The following TASP1 variants were observed in gnomAD, a reference collection of about 807,000 sequenced individuals.
TASP1 encodes taspase 1, also known as threonine aspartase 1.
Under a neutral mutation model 56.6 loss-of-function variants are expected in TASP1, and 16 were observed. The observed-to-expected ratio is 0.28, with a 90% CI of 0.19 to 0.43. The LOEUF (loss-of-function observed/expected upper bound fraction) is 0.43. TASP1 is among the 20% of genes least tolerant of loss of function. The pLI, the probability that TASP1 is intolerant of heterozygous loss-of-function variation, is 1.00. For synonymous variants in TASP1, 179 were observed against 184.2 expected (o/e 0.97, Z 0.23); for missense variants, 393 against 511.6 (o/e 0.77, Z 2.24).
intron 11 of TASP1, 95 bp downstream of exon 11, chr20:13,483,132 G>T: frequency 2.3e-6 from 2 of 866,522 alleles, no homozygotes; most frequent in Non-Finnish European, 3.5e-6. Flanking sequence ...CTAGAGGTAG[G>T]TCTAGAAATA....
Position 13,450,584 on chromosome 20 carries a change from A to C in TASP1, c.986-15430T>G, listed in dbSNP as rs575800203. 5.9e-5 allele frequency among the ~76,000 whole-genome samples: 9 copies of C among 152,192 alleles called. No homozygotes were observed. The South Asian group carries it at 1.9e-3, about 32-fold the overall frequency. ...ATCACTTTCTTTGCTCATCCACAGAAGCAACTCCTCATCCGTTAAAGTTTT... is the reference window on the plus strand; with the variant it reads ...ATCACTTTCTTTGCTCATCCACAGACGCAACTCCTCATCCGTTAAAGTTTT... On this transcript the variant is annotated intron_variant, in intron 11 of 13. Coordinates refer to ENST00000337743, the MANE Select transcript of TASP1 (RefSeq NM_017714.3).
the TASP1 span, among the ~76,000 whole-genome samples, chr20:13,320,201 CTT>C: frequency 2.6e-5 from 4 of 152,162 alleles, no homozygotes; most frequent in Non-Finnish European, 5.9e-5. Context: ...AGGATGTTGT[CTT>C]TTTCCCTGGA....
the TASP1 span, among the ~76,000 whole-genome samples, chr20:13,372,013 A>C: frequency 1.3e-5 from 2 of 152,158 alleles, no homozygotes; most frequent in Non-Finnish European, 1.5e-5. Flanking sequence ...CCACCTTTTT[A>C]CATTCAACTA....
intron 10 of TASP1, among the ~76,000 whole-genome samples, chr20:13,519,650 C>G (rs981279745): frequency 6.6e-6 from 1 of 152,104 alleles, no homozygotes; most frequent in Non-Finnish European, 1.5e-5. Flanking sequence ...CTATGACAAA[C>G]CCACAGCCAA....
At chr20:13,375,810 T>G in the TASP1 span, among the ~76,000 whole-genome samples, 118 of 152,376 alleles carry the variant, frequency 7.7e-4, 2 homozygotes, top group East Asian at 0.022. Flanking sequence ...ATTGTGGTTT[T>G]GATTTGCATT....
At chr20:13,629,625 A>T (rs991758771) in intron 2 of TASP1, among the ~76,000 whole-genome samples, 1 of 151,992 alleles carries the variant, frequency 6.6e-6, no homozygotes. Context: ...AAAAACATAA[A>T]CCAGAGTTCA....
At chr20:13,396,212 G>A (rs531258588) in intron 13 of TASP1, among the ~76,000 whole-genome samples, 3 of 152,112 alleles carry the variant, frequency 2.0e-5, no homozygotes, top group Non-Finnish European at 2.9e-5. Flanking sequence ...CCTACCCATC[G>A]CTTTTTAAGA....
intron 10 of TASP1, among the ~76,000 whole-genome samples, chr20:13,520,670 A>C (rs927968458): frequency 2.2e-4 from 33 of 152,264 alleles, no homozygotes; most frequent in Admixed American, 1.8e-3. Flanking sequence ...CATAAAAACC[A>C]TATAAGAAAA....
chr20:13,581,042 T>C (rs1428860553), intron 5 of TASP1, 61 bp from the exon 6 acceptor site: 18 of 1,512,162 alleles, frequency 1.2e-5, no homozygotes, highest in Non-Finnish European at 1.5e-5. Context: ...AGTTTCCCAC[T>C]CAGTTTTGCA....
At chr20:13,478,360 C>G (rs562178322) in intron 11 of TASP1, among the ~76,000 whole-genome samples, 1 of 147,722 alleles carries the variant, frequency 6.8e-6, no homozygotes, top group South Asian at 2.1e-4. Flanking sequence ...CACACACACA[C>G]ACACACACAC....
At chr20:13,166,743 T>C in the TASP1 span, 1 of 152,170 alleles carries the variant, frequency 6.6e-6, no homozygotes. Flanking sequence ...TGGAAAGCAA[T>C]AAACATCTTC....
At chr20:13,197,073 C>T in the TASP1 span, among the ~76,000 whole-genome samples, 3 of 152,220 alleles carry the variant, frequency 2.0e-5, no homozygotes, top group Admixed American at 6.5e-5. Context: ...TCTATAGTAA[C>T]TCCACCTCAT....
chr20:13,289,174 C>G, the TASP1 span, among the ~76,000 whole-genome samples: 1 of 152,138 alleles, frequency 6.6e-6, no homozygotes, highest in Non-Finnish European at 1.5e-5. Context: ...ATTGCAGTGG[C>G]CGTGACCTAA....
the TASP1 span, among the ~76,000 whole-genome samples, chr20:13,292,662 C>T: frequency 0.01 from 1,546 of 152,196 alleles, 22 homozygotes; most frequent in African/African-American, 0.033. Context: ...CCGGACCGAG[C>T]GCTTCTGTGT....
chr20:13,628,566 A>G lies in TASP1; in HGVS notation c.145+1368T>C, dbSNP rs534408192. Among the ~76,000 whole-genome samples the G allele has an allele frequency of 3.0e-4, 45 of 152,310 alleles. No individual in the cohort carries two copies. In the South Asian group the frequency reaches 3.7e-3, roughly 13 times the overall value. Reference sequence around the variant, plus strand: ...TAGATACTCTGGATTAGATTCACATAAGGCTTCTCGGGTTGTCCAGTCTAG... The same window carrying G: ...TAGATACTCTGGATTAGATTCACATGAGGCTTCTCGGGTTGTCCAGTCTAG... On this transcript the variant is annotated intron_variant, in intron 2 of 13. Coordinates refer to ENST00000337743, the MANE Select transcript of TASP1 (RefSeq NM_017714.3).
intron 4 of TASP1, chr20:13,616,815 C>A: frequency 3.4e-6 from 1 of 292,994 alleles, no homozygotes; most frequent in East Asian, 9.9e-5. Flanking sequence ...CAAGAATCAG[C>A]ATCAGTACTC....
the TASP1 span, among the ~76,000 whole-genome samples, chr20:13,180,904 G>A: frequency 6.6e-6 from 1 of 152,222 alleles, no homozygotes; most frequent in Non-Finnish European, 1.5e-5. Flanking sequence ...TGGAAGGCCA[G>A]CTGAGTTCAC....
chr20:13,448,239 C>A (rs1436877161), intron 11 of TASP1, among the ~76,000 whole-genome samples: 1 of 152,112 alleles, frequency 6.6e-6, no homozygotes, highest in Admixed American at 6.6e-5. Context: ...AAAGGCCTCT[C>A]TTACCCATTG....
At chr20:13,360,725 G>A in the TASP1 span, among the ~76,000 whole-genome samples, 2 of 152,054 alleles carry the variant, frequency 1.3e-5, no homozygotes, top group Non-Finnish European at 2.9e-5. Flanking sequence ...TATACTTTCT[G>A]CTTCCCAGCT....
Sources: allele counts gnomAD v4.1 joint callset (sites outside exome capture counted in the v4.1 genomes callset), GRCh38; gene constraint gnomAD v4.1.1; transcripts MANE v1.5; gene names NCBI Gene and HGNC (gene_info 2026-07-23, HGNC 2026-07-21).